The following AGPAT3 variants were observed in gnomAD, a reference collection of about 807,000 sequenced individuals.
The protein encoded by AGPAT3 is 1-acylglycerol-3-phosphate O-acyltransferase 3.
Under a neutral mutation model 47.3 loss-of-function variants are expected in AGPAT3, and 5 were observed. That is an observed-to-expected ratio of 0.11 (90% CI 0.06 to 0.22). The LOEUF is 0.22. Among genes scored for constraint, AGPAT3 ranks in the 10% least tolerant of loss-of-function variants. The probability of loss-of-function intolerance (pLI) is 1.00; values close to 1 mark genes in which losing one functional copy is unlikely to be tolerated. For synonymous variants in AGPAT3, 212 were observed against 208.3 expected (o/e 1.02, Z -0.15); for missense variants, 315 against 493.0 (o/e 0.64, Z 3.42).
chr21:43,979,801 G>A (rs891958330), intron 8 of AGPAT3, among the ~76,000 whole-genome samples: 1 of 152,206 alleles, frequency 6.6e-6, no homozygotes, highest in Admixed American at 6.5e-5. Flanking sequence ...AGGGAGCTGG[G>A]TGCTCAGGGG....
rs189645863 is a variant in AGPAT3, at chr21:43,912,432, C to T, written c.-49+8413C>T. 1.4e-3 allele frequency among the ~76,000 whole-genome samples: 218 copies of T among 152,376 alleles called. 1 individual carries two copies. Among genetic ancestry groups the T allele is most frequent in the African/African-American group, 5.0e-3 (206 of 41,592 alleles). On this transcript the variant is annotated intron_variant, in intron 2 of 9. Coordinates refer to ENST00000291572, the MANE Select transcript of AGPAT3 (RefSeq NM_020132.5). Reference sequence around the variant, plus strand: ...GCAGCCCCCGTGGGCACCAGGGGTGCTCTGGCCATGGCCAGGAACTTGTGG... The same window carrying T: ...GCAGCCCCCGTGGGCACCAGGGGTGTTCTGGCCATGGCCAGGAACTTGTGG...
rs142833594 is a variant in AGPAT3 at position 43,866,684 on chromosome 21, C to T, written c.-112+1339C>T. 18 of 152,384 alleles carry T rather than the reference C, an allele frequency of 1.2e-4. No homozygotes were observed. In the East Asian group the frequency reaches 3.3e-3, roughly 28 times the overall value. The allele number at this position is 152,384 out of a possible 1,614,324, so 9.4% of individuals were successfully genotyped here. A position where few individuals can be genotyped will look rare whatever the true frequency, so the allele number is the denominator to read the frequency against. ...ATTTCTGGTTAGTCTTAAGTATCTT[C>T]TTGAGGACATTGTCTAAAAAGCAGC... On this transcript the variant is annotated intron_variant, in intron 1 of 9. Coordinates refer to ENST00000291572, the MANE Select transcript of AGPAT3 (RefSeq NM_020132.5).
chr21:43,885,162 C>G (rs1405849146), intron 1 of AGPAT3, among the ~76,000 whole-genome samples: 1 of 152,182 alleles, frequency 6.6e-6, no homozygotes, highest in Non-Finnish European at 1.5e-5. Flanking sequence ...ATCCCCACCT[C>G]CCTCAGCCAA....
chr21:43,967,879 TG>T, intron 3 of AGPAT3, 66 bp from the exon 4 acceptor site: 1 of 1,525,242 alleles, frequency 6.6e-7, no homozygotes, highest in Non-Finnish European at 8.9e-7. Context: ...GTGTCTCCTG[TG>T]GGCGCTCCCT....
Position 43,986,533 on chromosome 21 carries a change from T to G in AGPAT3, c.*4141T>G, listed in dbSNP as rs899505734. 8 of 152,676 alleles carry G rather than the reference T, an allele frequency of 5.2e-5. No homozygotes were observed. Among genetic ancestry groups the G allele is most frequent in the Non-Finnish European group, 1.0e-4 (7 of 68,044 alleles). 9.5% of individuals were successfully genotyped at this position (152,676 alleles called of 1,614,324 possible). A position where few individuals can be genotyped will look rare whatever the true frequency, so the allele number is the denominator to read the frequency against. ...ATTAAACTGGAGTTACTTGATACAA[T>G]GAAGAAATGCATCTGATCTACTTGT... On this transcript the variant is annotated 3_prime_UTR_variant, in exon 10 of 10. Coordinates refer to ENST00000291572, the MANE Select transcript of AGPAT3 (RefSeq NM_020132.5).
chr21:43,897,148 T>C (rs2086239363), intron 1 of AGPAT3, among the ~76,000 whole-genome samples: 1 of 151,328 alleles, frequency 6.6e-6, no homozygotes, highest in South Asian at 2.1e-4. Context: ...GATTAGGGAG[T>C]GGTGATGACT....
In AGPAT3 at chr21:43,985,130, A is replaced by AC; in HGVS notation, c.*2739dup. ...CAGCCTGGGCCGTGGTCTCCTGGGG[A>AC]CGCCGCTGGCCTCCCAGCTTAGGCC... On this transcript the variant is annotated 3_prime_UTR_variant, in exon 10 of 10. Transcript: ENST00000291572. 3 of 456,234 alleles carry AC rather than the reference A, an allele frequency of 6.6e-6. No individual in the cohort carries two copies. The highest frequency in any genetic ancestry group is 4.6e-5 in the South Asian group (3 of 64,566). The allele number at this position is 456,234 out of a possible 1,614,324, so 28.3% of individuals were successfully genotyped here.
intron 6 of AGPAT3, among the ~76,000 whole-genome samples, 168 bp from the exon 7 acceptor site, chr21:43,971,220 G>A (rs1417192772): frequency 6.6e-6 from 1 of 152,194 alleles, no homozygotes. Context: ...GAGGGGGAAA[G>A]AAAACTTAGA....
At chr21:43,924,792 G>T (rs1174510237) in intron 2 of AGPAT3, among the ~76,000 whole-genome samples, 1 of 152,182 alleles carries the variant, frequency 6.6e-6, no homozygotes, top group Admixed American at 6.5e-5. Context: ...GCCGCAAGGG[G>T]CTTGGGCTGT....
chr21:43,907,599 C>T (rs1268657095), intron 2 of AGPAT3, among the ~76,000 whole-genome samples: 1 of 152,090 alleles, frequency 6.6e-6, no homozygotes, highest in Non-Finnish European at 1.5e-5. Flanking sequence ...CACTTGTAGT[C>T]CCAGCTACTC....
At chr21:43,958,875 G>A (rs1601422718) in intron 2 of AGPAT3, among the ~76,000 whole-genome samples, 1 of 149,270 alleles carries the variant, frequency 6.7e-6, no homozygotes, top group Non-Finnish European at 1.5e-5. Flanking sequence ...TGTGTGGTGT[G>A]TGGTGTGTAT....
chr21:43,874,994 T>G (rs766159209), intron 1 of AGPAT3, among the ~76,000 whole-genome samples: 26 of 152,218 alleles, frequency 1.7e-4, no homozygotes, highest in Non-Finnish European at 3.2e-4. Flanking sequence ...TTTTTCTTTG[T>G]TTTTGAGATG....
At chr21:43,925,838 C>T (rs1304384077) in intron 2 of AGPAT3, among the ~76,000 whole-genome samples, 1 of 152,244 alleles carries the variant, frequency 6.6e-6, no homozygotes, top group African/African-American at 2.4e-5. Context: ...AAGTCCATTC[C>T]ACCTTCTCCG....
At chr21:43,914,294 G>T (rs894550209) in intron 2 of AGPAT3, among the ~76,000 whole-genome samples, 1 of 152,178 alleles carries the variant, frequency 6.6e-6, no homozygotes, top group African/African-American at 2.4e-5. Flanking sequence ...CTTTCTCCTT[G>T]TGAATTTTAT....
Position 43,970,151 on chromosome 21 carries a change from G to A in AGPAT3, c.511-502G>A, listed in dbSNP as rs1295576072. Among the ~76,000 whole-genome samples, 1 of 150,768 alleles carries A rather than the reference G, an allele frequency of 6.6e-6. No individual in the cohort carries two copies. Among genetic ancestry groups the A allele is most frequent in the Non-Finnish European group, 1.5e-5 (1 of 67,802 alleles). ...AGCCTCCAAGTTGCTGGGATTACAG[G>A]CACTCACCACCACGACTGGCTAATT... On this transcript the variant is annotated intron_variant, in intron 5 of 9. Transcript: ENST00000291572. The surrounding 1 kb of genome is among the most constrained non-coding windows in gnomAD (Gnocchi z 5.8).
intron 1 of AGPAT3, among the ~76,000 whole-genome samples, chr21:43,900,795 G>T (rs570662139): frequency 1.2e-4 from 19 of 152,192 alleles, no homozygotes; most frequent in African/African-American, 4.3e-4. Context: ...ACAAAGGTCC[G>T]CTCAGGACTC....
At chr21:43,940,972 C>T (rs780614471) in intron 2 of AGPAT3, among the ~76,000 whole-genome samples, 3 of 152,198 alleles carry the variant, frequency 2.0e-5, no homozygotes, top group Non-Finnish European at 2.9e-5. Context: ...CTCCAGGCCT[C>T]CAGTGCTCGT....
intron 2 of AGPAT3, among the ~76,000 whole-genome samples, chr21:43,905,266 T>C (rs2086466497): frequency 6.6e-6 from 1 of 151,950 alleles, no homozygotes; most frequent in African/African-American, 2.4e-5. Flanking sequence ...CTCGGCTCAC[T>C]GCAACCTCCA....
At chr21:43,910,279 G>A (rs980562313) in intron 2 of AGPAT3, among the ~76,000 whole-genome samples, 51 of 152,334 alleles carry the variant, frequency 3.3e-4, no homozygotes, top group African/African-American at 1.2e-3. Context: ...GAGGGTGCTG[G>A]TCTGCAGAGA....
Sources: gnomAD v4.1 joint callset for allele counts (sites outside exome capture counted in the v4.1 genomes callset) on GRCh38, gnomAD v4.1.1 for gene constraint, Gnocchi (gnomAD v3.1) non-coding constraint, MANE v1.5 for transcripts, NCBI Gene and HGNC (gene_info 2026-07-23, HGNC 2026-07-21) for gene names.